Variants in DOCK1 observed in about 807,000 individuals in gnomAD.
DOCK1 encodes dedicator of cytokinesis protein 1.
A neutral mutation model predicts 262.7 loss-of-function variants in DOCK1; 138 were observed. That is an observed-to-expected ratio of 0.53 (90% confidence interval 0.46 to 0.61). The LOEUF is 0.61. Ranked by LOEUF, DOCK1 falls within the 20% of genes least tolerant of loss-of-function variation. DOCK1 has a pLI of 0.00. For synonymous variants in DOCK1, 866 were observed against 867.4 expected, an observed-to-expected ratio of 1.00 and a Z score of 0.03; for missense variants, 1,908 against 2,370.7, an observed-to-expected ratio of 0.80 and a Z score of 4.05.
intron 27 of DOCK1, among the ~76,000 whole-genome samples, chr10:127,133,791 G>A (rs1168110460): frequency 1.3e-5 from 2 of 152,190 alleles, no homozygotes. Context: ...ATCCACTGTA[G>A]CATGATGACT....
At chr10:127,198,895 C>G (rs2057333995) in intron 27 of DOCK1, among the ~76,000 whole-genome samples, 1 of 152,116 alleles carries the variant, frequency 6.6e-6, no homozygotes, top group South Asian at 2.1e-4. Context: ...TGTGTGTCAT[C>G]ATGCTCCAGG....
intron 27 of DOCK1, among the ~76,000 whole-genome samples, chr10:127,189,726 G>T (rs1006716590): frequency 6.6e-6 from 1 of 152,176 alleles, no homozygotes; most frequent in Non-Finnish European, 1.5e-5. Flanking sequence ...ATTCCTTTAA[G>T]TTCACACAGT....
chr10:127,416,503 CT>C (rs2068161218), intron 44 of DOCK1, among the ~76,000 whole-genome samples: 1 of 152,148 alleles, frequency 6.6e-6, no homozygotes, highest in African/African-American at 2.4e-5. Flanking sequence ...GAGCCCTGAC[CT>C]TTCGTGAGGA....
At chr10:127,198,997 A>G (rs1834613270) in intron 27 of DOCK1, among the ~76,000 whole-genome samples, 1 of 151,498 alleles carries the variant, frequency 6.6e-6, no homozygotes, top group African/African-American at 2.4e-5. Context: ...TTTTTTTTTA[A>G]TAGATGGGAT....
rs1176345995 is a variant in DOCK1, at chr10:127,442,662, G to C, written c.5260-1464G>C. On this transcript the variant is annotated intron_variant, in intron 49 of 51. Transcript: ENST00000623213. ...AGAATCCCTGCCCAGTAATGACCTA[G>C]GATGAGAGAAGAAGCAAAGGAAAGG... is the stretch of plus-strand genomic sequence containing the variant. Among the ~76,000 whole-genome samples the C allele has an allele frequency of 1.3e-5, 2 of 152,144 alleles. 1 individual carries two copies. Among genetic ancestry groups the C allele is most frequent in the East Asian group, 3.9e-4 (2 of 5,184 alleles).
intron 40 of DOCK1, among the ~76,000 whole-genome samples, chr10:127,408,497 C>A (rs988863461): frequency 6.6e-6 from 1 of 152,226 alleles, no homozygotes; most frequent in African/African-American, 2.4e-5. Context: ...GGGTTCTGCT[C>A]GCCTCGGCTG....
At chr10:127,362,876 TACACATCCCCACACACACAC>T (rs2064595083) in intron 33 of DOCK1, among the ~76,000 whole-genome samples, 1 of 125,042 alleles carries the variant, frequency 8.0e-6, no homozygotes, top group South Asian at 2.6e-4. Flanking sequence ...CACACACACA[TACACATCCCCACACACACAC>T]ACATGTACAT....
At chr10:127,018,591 T>C in intron 12 of DOCK1, 119 bp from the exon 13 acceptor site, 1 of 1,514,204 alleles carries the variant, frequency 6.6e-7, no homozygotes, top group Non-Finnish European at 9.0e-7. Flanking sequence ...TACCCACCTT[T>C]TCTCTCAAGA....
intron 31 of DOCK1, among the ~76,000 whole-genome samples, chr10:127,353,828 C>T (rs2064005745): frequency 1.3e-5 from 2 of 152,128 alleles, no homozygotes; most frequent in African/African-American, 2.4e-5. Flanking sequence ...CAGCTGGCCG[C>T]GGTTGTTGAT....
chr10:126,954,011 CAA>C (rs2036537655), intron 1 of DOCK1, among the ~76,000 whole-genome samples: 1 of 152,186 alleles, frequency 6.6e-6, no homozygotes, highest in African/African-American at 2.4e-5. Flanking sequence ...GCTTTCTGGG[CAA>C]AGTCTCCCCT....
At chr10:127,216,953 T>C (rs1396274577) in intron 27 of DOCK1, among the ~76,000 whole-genome samples, 1 of 152,208 alleles carries the variant, frequency 6.6e-6, no homozygotes, top group African/African-American at 2.4e-5. Flanking sequence ...TCCATTTGGT[T>C]GAAATCCGAG....
At chr10:127,309,123 G>A (rs888667815) in intron 29 of DOCK1, among the ~76,000 whole-genome samples, 2 of 151,782 alleles carry the variant, frequency 1.3e-5, no homozygotes, top group African/African-American at 2.4e-5. Flanking sequence ...TTTAATAATC[G>A]CCCTTCTGAC....
At chr10:127,248,980 T>G (rs2059526112) in intron 28 of DOCK1, among the ~76,000 whole-genome samples, 5 of 152,288 alleles carry the variant, frequency 3.3e-5, no homozygotes, top group Admixed American at 2.6e-4. Flanking sequence ...CCTGATGATC[T>G]GAGGTGGAAC....
chr10:127,163,517 T>C (rs1254406216), intron 27 of DOCK1, among the ~76,000 whole-genome samples: 3 of 152,166 alleles, frequency 2.0e-5, no homozygotes, highest in Non-Finnish European at 4.4e-5. Flanking sequence ...TTTTGAATAA[T>C]GCTTGAGTGA....
At chr10:127,291,038 T>C (rs529823132) in intron 29 of DOCK1, among the ~76,000 whole-genome samples, 73 of 152,246 alleles carry the variant, frequency 4.8e-4, no homozygotes, top group African/African-American at 1.7e-3. Context: ...CAGGGATGCA[T>C]AGGACAGCTG....
At chr10:127,435,634 G>C (rs1263407713) in intron 48 of DOCK1, among the ~76,000 whole-genome samples, 1 of 152,128 alleles carries the variant, frequency 6.6e-6, no homozygotes, top group Non-Finnish European at 1.5e-5. Context: ...TAGGAACATA[G>C]GGGTTAGGGT....
At chr10:127,316,287 A>G (rs1011887597) in intron 29 of DOCK1, among the ~76,000 whole-genome samples, 4 of 152,054 alleles carry the variant, frequency 2.6e-5, no homozygotes, top group Non-Finnish European at 5.9e-5. Flanking sequence ...GCAACTTTCT[A>G]CCGTTTAACT....
chr10:127,202,189 G>A (rs1037850502), intron 27 of DOCK1, among the ~76,000 whole-genome samples: 2 of 152,132 alleles, frequency 1.3e-5, no homozygotes, highest in Non-Finnish European at 2.9e-5. Context: ...CAGGCATAGT[G>A]GCTCATGACT....
rs2054994149 is a variant in DOCK1 at position 127,175,398 on chromosome 10, T to A, written c.2847+47634T>A. 1 of 1,613,754 alleles carries A rather than the reference T, an allele frequency of 6.2e-7. No homozygotes were observed. The highest frequency in any genetic ancestry group is 8.5e-7 in the Non-Finnish European group (1 of 1,180,032). On this transcript the variant is annotated intron_variant, in intron 27 of 51. Transcript: ENST00000623213. The surrounding 1 kb of genome is among the most constrained non-coding windows in gnomAD (Gnocchi z 6.3). ...AGCAACCGCTGTGGGACTAGGCTGGTTCCCCAGCCCCGGCGGGGTGTGAGT... is the reference window on the plus strand; with the variant it reads ...AGCAACCGCTGTGGGACTAGGCTGGATCCCCAGCCCCGGCGGGGTGTGAGT...
Sources: gnomAD v4.1 joint callset for allele counts (sites outside exome capture counted in the v4.1 genomes callset) on GRCh38, gnomAD v4.1.1 for gene constraint, Gnocchi (gnomAD v3.1) non-coding constraint, MANE v1.5 for transcripts, NCBI Gene and HGNC (gene_info 2026-07-23, HGNC 2026-07-21) for gene names.